Variants in PDE4B observed in about 807,000 individuals in gnomAD.
The protein encoded by PDE4B is phosphodiesterase 4B, also known as 3',5'-cyclic-AMP phosphodiesterase 4B.
In PDE4B, 20 loss-of-function variants were observed where a neutral mutation model predicts 82.2. The ratio of observed to expected loss-of-function variants is 0.24; its 90% CI spans 0.17 to 0.35. The LOEUF (loss-of-function observed/expected upper bound fraction) is 0.35, where lower values mean the gene tolerates loss of function less well. PDE4B is among the 10% of genes least tolerant of loss of function. The pLI is 1.00. For synonymous variants in PDE4B, 320 were observed against 318.9 expected (o/e 1.00, Z -0.04); for missense variants, 655 against 907.2 (o/e 0.72, Z 3.57).
chr1:66,058,132 A>AT (rs1476128064), intron 3 of PDE4B, among the ~76,000 whole-genome samples: 18 of 152,334 alleles, frequency 1.2e-4, no homozygotes, highest in South Asian at 8.3e-4. Context: ...TACAGGCCCC[A>AT]TGTAAGTCTG....
chr1:65,884,658 T>C (rs1646751254), intron 1 of PDE4B, among the ~76,000 whole-genome samples: 2 of 152,208 alleles, frequency 1.3e-5, no homozygotes, highest in African/African-American at 2.4e-5. Context: ...GCTAGCCATA[T>C]GTAGAAAGCT....
intron 3 of PDE4B, among the ~76,000 whole-genome samples, chr1:66,234,865 AT>A (rs1349348997): frequency 1.3e-5 from 2 of 151,218 alleles, no homozygotes; most frequent in East Asian, 1.9e-4. Context: ...AACGGAAGTC[AT>A]TTTTTCTATT....
At chr1:65,890,520 G>A (rs3009869) in intron 1 of PDE4B, among the ~76,000 whole-genome samples, 151,705 of 152,192 alleles carry the variant, frequency 1, 75,611 homozygotes, top group East Asian at 1. Flanking sequence ...ACATTGTGAC[G>A]GATTGAAGTA....
At chr1:65,899,949 G>A (rs892372778) in intron 1 of PDE4B, among the ~76,000 whole-genome samples, 2 of 151,590 alleles carry the variant, frequency 1.3e-5, no homozygotes, top group South Asian at 2.1e-4. Context: ...TTGATTTATG[G>A]GTGCACCAAA....
At chr1:66,153,919 C>T (rs1331512276) in intron 3 of PDE4B, among the ~76,000 whole-genome samples, 1 of 152,204 alleles carries the variant, frequency 6.6e-6, no homozygotes, top group African/African-American at 2.4e-5. Context: ...ATCTCTGTTG[C>T]TAAGATGCCT....
intron 3 of PDE4B, among the ~76,000 whole-genome samples, chr1:65,977,644 G>A (rs1449883963): frequency 2.0e-5 from 3 of 152,172 alleles, no homozygotes; most frequent in African/African-American, 4.8e-5. Flanking sequence ...TGGAGATGGC[G>A]ATGTATAGTT....
chr1:66,178,079 T>C (rs997850407), intron 3 of PDE4B, among the ~76,000 whole-genome samples: 1 of 151,886 alleles, frequency 6.6e-6, no homozygotes, highest in Non-Finnish European at 1.5e-5. Context: ...TGTATACATC[T>C]CTTATTCTAA....
intron 3 of PDE4B, among the ~76,000 whole-genome samples, chr1:66,139,748 A>AAAC (rs1646133677): frequency 1.3e-5 from 2 of 149,478 alleles, no homozygotes; most frequent in East Asian, 1.9e-4. Flanking sequence ...AAAAAAAAAA[A>AAAC]AAAACAAAAA....
At chr1:66,240,894 G>A (rs910061319) in intron 3 of PDE4B, among the ~76,000 whole-genome samples, 1 of 152,216 alleles carries the variant, frequency 6.6e-6, no homozygotes, top group Non-Finnish European at 1.5e-5. Flanking sequence ...GCAGGATACA[G>A]GGAGCCCCTG....
chr1:65,949,872 A>G (rs1196258367), intron 3 of PDE4B, among the ~76,000 whole-genome samples: 1 of 151,924 alleles, frequency 6.6e-6, no homozygotes, highest in African/African-American at 2.4e-5. Flanking sequence ...TGAGATTCTT[A>G]ACTGTGTCGA....
At chr1:65,995,876 G>C (rs1651513870) in intron 3 of PDE4B, among the ~76,000 whole-genome samples, 2 of 152,156 alleles carry the variant, frequency 1.3e-5, no homozygotes, top group African/African-American at 4.8e-5. Context: ...TAATTTTCAT[G>C]ATGAAGCTAA....
At chr1:65,881,432 G>A (rs908069294) in intron 1 of PDE4B, among the ~76,000 whole-genome samples, 5 of 152,102 alleles carry the variant, frequency 3.3e-5, no homozygotes, top group African/African-American at 1.2e-4. Context: ...TAGCATCTCC[G>A]CCTGCCAGAC....
chr1:66,224,622 G>A (rs1651282762), intron 3 of PDE4B, among the ~76,000 whole-genome samples: 1 of 152,208 alleles, frequency 6.6e-6, no homozygotes, highest in African/African-American at 2.4e-5. Flanking sequence ...AGGAGGCTGA[G>A]GCAGGAGAAT....
intron 3 of PDE4B, among the ~76,000 whole-genome samples, chr1:66,160,592 G>A (rs941874723): frequency 6.6e-6 from 1 of 152,166 alleles, no homozygotes; most frequent in Non-Finnish European, 1.5e-5. Flanking sequence ...TCAGCAGATA[G>A]TTAAATATGT....
chr1:66,015,396 C>T (rs1029758678), intron 3 of PDE4B, among the ~76,000 whole-genome samples: 2 of 152,032 alleles, frequency 1.3e-5, no homozygotes, highest in Non-Finnish European at 2.9e-5. Context: ...TTATAACACC[C>T]AGGCTTGTGT....
chr1:65,822,967 A>G (rs998170477), intron 1 of PDE4B, among the ~76,000 whole-genome samples: 1 of 152,234 alleles, frequency 6.6e-6, no homozygotes, highest in African/African-American at 2.4e-5. Context: ...GTAAAGTGGT[A>G]TCGCATACTG....
At chr1:65,866,247 G>T (rs1490289561) in intron 1 of PDE4B, among the ~76,000 whole-genome samples, 3 of 151,782 alleles carry the variant, frequency 2.0e-5, no homozygotes, top group Non-Finnish European at 4.4e-5. Flanking sequence ...TTATTTTTAT[G>T]TTACATAAAT....
intron 8 of PDE4B, 93 bp downstream of exon 8, chr1:66,332,713 G>A (rs557080163): frequency 3.2e-6 from 3 of 933,800 alleles, no homozygotes; most frequent in African/African-American, 1.7e-5. Flanking sequence ...ACCAGGGAAT[G>A]CTACCAACTC....
At chr1:66,239,916 A>G (rs1008337657) in intron 3 of PDE4B, among the ~76,000 whole-genome samples, 1 of 152,266 alleles carries the variant, frequency 6.6e-6, no homozygotes, top group Non-Finnish European at 1.5e-5. Flanking sequence ...CAAAAATTAA[A>G]GCTTTCTAAC....
Sources: gnomAD v4.1 joint callset for allele counts (sites outside exome capture counted in the v4.1 genomes callset) on GRCh38, gnomAD v4.1.1 for gene constraint, MANE v1.5 for transcripts, NCBI Gene and HGNC (gene_info 2026-07-23, HGNC 2026-07-21) for gene names.